The following RBPMS variants were observed in gnomAD, a reference collection of about 807,000 sequenced individuals.
RBPMS encodes the protein RNA binding protein, mRNA processing factor.
In RBPMS, 7 loss-of-function variants were observed where a neutral mutation model predicts 26.8. The ratio of observed to expected loss-of-function variants is 0.26; its 90% CI spans 0.15 to 0.49. The LOEUF is 0.49. Ranked by LOEUF, RBPMS falls within the 20% of genes least tolerant of loss-of-function variation. The pLI, the probability that RBPMS is intolerant of heterozygous loss-of-function variation, is 0.98. For missense variants in RBPMS, 186 were observed against 250.0 expected (o/e 0.74, Z 1.73); for synonymous variants, 96 against 93.3 (o/e 1.03, Z -0.17).
intron 5 of RBPMS, chr8:30,537,794 C>A: frequency 2.7e-6 from 1 of 366,578 alleles, no homozygotes; most frequent in South Asian, 2.1e-5. Context: ...TAAACACGAG[C>A]TCCTACTGTT....
intron 4 of RBPMS, among the ~76,000 whole-genome samples, chr8:30,495,072 T>C (rs1448539015): frequency 1.3e-5 from 2 of 152,202 alleles, no homozygotes; most frequent in Non-Finnish European, 2.9e-5. Context: ...GGCTTCTCTA[T>C]CATGGCCAAT....
At chr8:30,424,121 C>A (rs1024482247) in intron 1 of RBPMS, among the ~76,000 whole-genome samples, 1 of 152,188 alleles carries the variant, frequency 6.6e-6, no homozygotes, top group African/African-American at 2.4e-5. Flanking sequence ...CAGGCATGAG[C>A]CACCATGCTG....
intron 1 of RBPMS, among the ~76,000 whole-genome samples, chr8:30,466,664 G>A (rs1233744179): frequency 1.3e-5 from 2 of 149,156 alleles, no homozygotes; most frequent in Non-Finnish European, 3.0e-5. Flanking sequence ...GCGCAATCTC[G>A]GCTCACAGCA....
At chr8:30,560,349 C>G (rs2151086341) in intron 7 of RBPMS, among the ~76,000 whole-genome samples, 1 of 152,214 alleles carries the variant, frequency 6.6e-6, no homozygotes, top group African/African-American at 2.4e-5. Flanking sequence ...AAGGAGAGGT[C>G]TCAGCAGACA....
chr8:30,568,597 G>A (rs375107379), intron 8 of RBPMS, among the ~76,000 whole-genome samples: 39 of 152,164 alleles, frequency 2.6e-4, no homozygotes, highest in African/African-American at 8.2e-4. Flanking sequence ...CTGTCTTGAC[G>A]TCCCATCACC....
intron 1 of RBPMS, among the ~76,000 whole-genome samples, chr8:30,423,905 T>A (rs950485488): frequency 1.2e-4 from 18 of 152,060 alleles, no homozygotes; most frequent in African/African-American, 4.3e-4. Context: ...TGGCACGATC[T>A]TGGCTCACTG....
chr8:30,559,576 C>T (rs542492856), intron 7 of RBPMS, among the ~76,000 whole-genome samples: 1 of 152,296 alleles, frequency 6.6e-6, no homozygotes, highest in African/African-American at 2.4e-5. Flanking sequence ...CTACAAAATA[C>T]CAAATGCCTT....
intron 1 of RBPMS, among the ~76,000 whole-genome samples, chr8:30,412,447 CT>C (rs753987184): frequency 2.9e-3 from 411 of 143,544 alleles, no homozygotes; most frequent in Middle Eastern, 3.6e-3. Flanking sequence ...AATGACACTA[CT>C]TTTTTTTTTT....
chr8:30,481,113 A>G (rs181564993), intron 4 of RBPMS, among the ~76,000 whole-genome samples: 2 of 152,204 alleles, frequency 1.3e-5, no homozygotes, highest in African/African-American at 4.8e-5. Context: ...TTTTAAAGAT[A>G]ACTGAAGGGT....
At chr8:30,567,071 G>C (rs974756860) in intron 8 of RBPMS, among the ~76,000 whole-genome samples, 3 of 152,174 alleles carry the variant, frequency 2.0e-5, no homozygotes, top group African/African-American at 7.2e-5. Flanking sequence ...GGAAAGCCTG[G>C]CTTAGAGCGG....
chr8:30,503,684 C>T (rs75274485), intron 4 of RBPMS, among the ~76,000 whole-genome samples: 1,616 of 152,154 alleles, frequency 0.011, 16 homozygotes, highest in African/African-American at 0.032. Flanking sequence ...TTAGGAGACT[C>T]GTTTTCAGGA....
chr8:30,479,478 A>G (rs1818049665), intron 4 of RBPMS, 101 bp downstream of exon 4: 2 of 871,758 alleles, frequency 2.3e-6, no homozygotes, highest in Admixed American at 2.1e-5. Context: ...ATATGACTGC[A>G]CAGTCTAAGA....
intron 1 of RBPMS, among the ~76,000 whole-genome samples, chr8:30,468,855 A>T (rs573623995): frequency 6.6e-6 from 1 of 152,258 alleles, no homozygotes; most frequent in South Asian, 2.1e-4. Context: ...GTAGATAGAG[A>T]GAGAGATGAA....
intron 5 of RBPMS, among the ~76,000 whole-genome samples, chr8:30,520,890 A>AGTG (rs1563405574): frequency 2.6e-5 from 4 of 152,286 alleles, no homozygotes; most frequent in African/African-American, 9.6e-5. Context: ...TGGGATTACT[A>AGTG]GTGGCTATAC....
chr8:30,491,695 C>T (rs1819415555), intron 4 of RBPMS, among the ~76,000 whole-genome samples: 1 of 151,912 alleles, frequency 6.6e-6, no homozygotes, highest in South Asian at 2.1e-4. Flanking sequence ...TCTTCTGCAC[C>T]AGCCACTAAT....
chr8:30,571,972 G>A lies in RBPMS; in HGVS notation c.*1447G>A, dbSNP rs1446687304. 1 of 152,204 alleles carries A rather than the reference G, an allele frequency of 6.6e-6. No individual in the cohort carries two copies. The highest frequency in any genetic ancestry group is 1.5e-5 in the Non-Finnish European group (1 of 68,036). The allele number at this position is 152,204 out of a possible 1,614,324, so 9.4% of individuals were successfully genotyped here. On this transcript the variant is annotated 3_prime_UTR_variant, in exon 9 of 9. Coordinates refer to ENST00000397323, the MANE Select transcript of RBPMS (RefSeq NM_001008710.3). ...TGTTATTTTCCATTAGAAATATAAA[G>A]ATGTCAAGAAGCTTTTAAAGGTCAA...
chr8:30,469,758 A>G (rs1427100350), intron 1 of RBPMS, among the ~76,000 whole-genome samples: 2 of 152,246 alleles, frequency 1.3e-5, no homozygotes, highest in Non-Finnish European at 2.9e-5. Context: ...ACCTGCTGCA[A>G]AGTTCAGTTG....
At chr8:30,501,615 A>T (rs1300299427) in intron 4 of RBPMS, among the ~76,000 whole-genome samples, 1 of 152,206 alleles carries the variant, frequency 6.6e-6, no homozygotes, top group African/African-American at 2.4e-5. Flanking sequence ...ATATACTAAT[A>T]TTCAGAAACT....
At chr8:30,562,078 C>T (rs1827538646) in intron 7 of RBPMS, 3 of 977,056 alleles carry the variant, frequency 3.1e-6, no homozygotes, top group South Asian at 4.7e-5. Flanking sequence ...CGCCTGTCAT[C>T]CCAGCACTTT....
Sources: allele counts gnomAD v4.1 joint callset (sites outside exome capture counted in the v4.1 genomes callset), GRCh38; gene constraint gnomAD v4.1.1; transcripts MANE v1.5; gene names NCBI Gene and HGNC (gene_info 2026-07-23, HGNC 2026-07-21).